CD300LG: variants seen among roughly 807,000 people sequenced by gnomAD.
CD300LG encodes the protein CMRF35-like molecule 9.
In CD300LG, 29 loss-of-function variants were observed where a neutral mutation model predicts 31.5. The observed-to-expected ratio is 0.92, with a 90% CI of 0.68 to 1.25. The LOEUF (loss-of-function observed/expected upper bound fraction) is 1.25. Ranked by LOEUF, CD300LG falls within the 50% of genes most tolerant of loss-of-function variation. The pLI, the probability that CD300LG is intolerant of heterozygous loss-of-function variation, is 0.00. For synonymous variants in CD300LG, 175 were observed against 177.2 expected, an observed-to-expected ratio of 0.99 and a Z score of 0.10; for missense variants, 396 against 417.6, an observed-to-expected ratio of 0.95 and a Z score of 0.45.
intron 4 of CD300LG, 45 bp from the exon 5 acceptor site, chr17:43,855,162 G>T (rs1351438500): frequency 1.4e-6 from 2 of 1,386,626 alleles, no homozygotes; most frequent in South Asian, 1.3e-5. Flanking sequence ...ATAGACTCTG[G>T]CTTATCTGGT....
At chr17:43,860,458 G>A (rs1218546373) in intron 6 of CD300LG, among the ~76,000 whole-genome samples, 1 of 152,266 alleles carries the variant, frequency 6.6e-6, no homozygotes, top group African/African-American at 2.4e-5. Flanking sequence ...GGCCTTGGGA[G>A]TCTTGGCTGG....
At position 43,848,731 on chromosome 17, in the gene CD300LG, G is replaced by A. The variant is rs765766049; in HGVS notation, c.217G>A (p.Glu73Lys). Residue 73 changes from glutamate (E) to lysine (K), a missense_variant, in exon 2 of 7, where the codon GAG becomes AAG. By Grantham distance (56) the Glu-to-Lys change is moderately conservative. Transcript: ENST00000317310. ...GTIYAEEEGQ[E>K]TMKGRVSIRD... is the part of the protein sequence containing the mutation. ...CATCTATGCAGAAGAAGAAGGCCAG[G>A]AGACAATGAAGGGCAGGGTGTCCAT... 8.7e-6 allele frequency: 14 copies of A among 1,614,044 alleles called. No homozygotes were observed.
intron 6 of CD300LG, chr17:43,857,782 CT>C: frequency 1.3e-6 from 2 of 1,537,288 alleles, no homozygotes; most frequent in Non-Finnish European, 1.7e-6. Flanking sequence ...CTGCTCTTCT[CT>C]TTCCAGAACT....
At chr17:43,849,149 G>A (rs2143290666) in intron 2 of CD300LG, 2 of 558,314 alleles carry the variant, frequency 3.6e-6, no homozygotes, top group East Asian at 5.7e-5. Flanking sequence ...CCAGGGCTGG[G>A]CTCGGCGCCT....
chr17:43,857,040 C>T, intron 5 of CD300LG, 64 bp from the exon 6 acceptor site: 1 of 1,530,396 alleles, frequency 6.5e-7, no homozygotes, highest in Non-Finnish European at 9.0e-7. Context: ...TTTCTGGGAG[C>T]AGCTACAGGC....
rs769974140 is a variant in CD300LG, at chr17:43,853,831, C to T, written c.506C>T (p.Ala169Val). 8 of 1,613,858 alleles carry T rather than the reference C, an allele frequency of 5.0e-6. No homozygotes were observed. In the African/African-American group the frequency reaches 8.0e-5, roughly 16 times the overall value. The part of the protein sequence containing the change: ...GLTSPGLYPA[A>V]TTAKQGKTGA... ...GCTTCTCCTGGGCTCTACCCGGCAG[C>T]CACCACAGCCAAGCAGGGGAAGACA... is the stretch of plus-strand genomic sequence containing the variant. Residue 169 changes from alanine to valine, a missense_variant, in exon 4 of 7, where the codon GCC becomes GTC. Physicochemically the swap from Ala to Val is moderately conservative, Grantham distance 64. Transcript: ENST00000317310.
chr17:43,857,419 T>C (rs1597713370), intron 6 of CD300LG: 1 of 1,537,098 alleles, frequency 6.5e-7, no homozygotes, highest in Non-Finnish European at 8.7e-7. Flanking sequence ...CCAGGAGCCA[T>C]GTGAGCATCT....
In CD300LG at chr17:43,852,538, G is replaced by A. The variant is rs73985459; in HGVS notation, c.380-374G>A. 4.2e-3 allele frequency among the ~76,000 whole-genome samples: 642 copies of A among 152,304 alleles called. 2 individuals are homozygous for A. The highest frequency in any genetic ancestry group is 0.014 in the African/African-American group (584 of 41,554). On this transcript the variant is annotated intron_variant, in intron 2 of 6. Transcript: ENST00000317310. ...CTGAAGCCTGAGTTTAAGAGGCCTCGAAAGGCATACTAAAAAGTTTGAACT... is the reference window on the plus strand; with the variant it reads ...CTGAAGCCTGAGTTTAAGAGGCCTCAAAAGGCATACTAAAAAGTTTGAACT...
At chr17:43,847,435 G>T (rs1289158053) in intron 1 of CD300LG, among the ~76,000 whole-genome samples, 176 bp downstream of exon 1, 1 of 152,184 alleles carries the variant, frequency 6.6e-6, no homozygotes, top group Non-Finnish European at 1.5e-5. Context: ...GGCCGCACTT[G>T]CTGTTTCTGG....
chr17:43,848,187 AG>A (rs2046239319), intron 1 of CD300LG, among the ~76,000 whole-genome samples: 1 of 152,024 alleles, frequency 6.6e-6, no homozygotes, highest in Admixed American at 6.5e-5. Flanking sequence ...AGTTTCAGTG[AG>A]CAGACATCGG....
intron 6 of CD300LG, chr17:43,857,646 G>A (rs970910766): frequency 3.7e-5 from 43 of 1,155,472 alleles, no homozygotes; most frequent in Non-Finnish European, 4.6e-5. Context: ...GACTCTGGCA[G>A]TGCTACAAAC....
At chr17:43,856,150 A>G (rs1473936227) in intron 5 of CD300LG, among the ~76,000 whole-genome samples, 1 of 152,108 alleles carries the variant, frequency 6.6e-6, no homozygotes, top group East Asian at 1.9e-4. Flanking sequence ...AACCCAATAT[A>G]TCCCAAACAT....
chr17:43,863,215 CA>C lies in CD300LG; in HGVS notation c.*1305del, dbSNP rs2046680848. ...TGTACTTTTAGTAGAGATGGGGTTTCACCATGTTGGCCAGGCTGGTCTTGAA... is the reference window on the plus strand; with the variant it reads ...TGTACTTTTAGTAGAGATGGGGTTTCCCATGTTGGCCAGGCTGGTCTTGAA... On this transcript the variant is annotated 3_prime_UTR_variant, in exon 7 of 7. Coordinates refer to ENST00000317310, the MANE Select transcript of CD300LG (RefSeq NM_145273.4). The C allele has an allele frequency of 6.6e-6, 1 of 152,124 alleles. No individual in the cohort carries two copies. 9.4% of individuals were successfully genotyped at this position (152,124 alleles called of 1,614,324 possible).
At chr17:43,850,790 T>C (rs2143308005) in intron 2 of CD300LG, among the ~76,000 whole-genome samples, 1 of 152,280 alleles carries the variant, frequency 6.6e-6, no homozygotes, top group Middle Eastern at 3.4e-3. Flanking sequence ...CCTACTATCA[T>C]TTTCTTTTAT....
At chr17:43,851,133 CAAAAAAAAA>C (rs777282117) in intron 2 of CD300LG, among the ~76,000 whole-genome samples, 6 of 40,616 alleles carry the variant, frequency 1.5e-4, no homozygotes, top group South Asian at 8.9e-4. Flanking sequence ...GACTCAGTCT[CAAAAAAAAA>C]AAAAAAAAAA....
intron 4 of CD300LG, among the ~76,000 whole-genome samples, chr17:43,854,950 T>C (rs2046470139): frequency 6.6e-6 from 1 of 152,010 alleles, no homozygotes; most frequent in South Asian, 2.1e-4. Context: ...TTATCCAAGG[T>C]ATAGAAAGGT....
At chr17:43,855,138 G>A (rs1000379453) in intron 4 of CD300LG, 69 bp from the exon 5 acceptor site, 17 of 1,007,430 alleles carry the variant, frequency 1.7e-5, no homozygotes, top group Non-Finnish European at 2.2e-5. Flanking sequence ...CTGTGCCTGG[G>A]ACCCCCAAAG....
At position 43,848,710 on chromosome 17, in the gene CD300LG, T is replaced by TCG; in HGVS notation, c.196_197insCG (p.Tyr66SerfsTer11). 1 of 1,614,058 alleles carries TCG rather than the reference T, an allele frequency of 6.2e-7. No homozygotes were observed. Among genetic ancestry groups the TCG allele is most frequent in the South Asian group, 1.1e-5 (1 of 91,078 alleles). On this transcript the variant is annotated frameshift_variant, in exon 2 of 7. Coordinates refer to ENST00000317310, the MANE Select transcript of CD300LG (RefSeq NM_145273.4). LOFTEE classifies it high-confidence loss of function. Reference sequence around the variant, plus strand: ...CTTCTCTCGCTGCTCTGGCACCATCTATGCAGAAGAAGAAGGCCAGGAGAC... The same window carrying TCG: ...CTTCTCTCGCTGCTCTGGCACCATCTCGATGCAGAAGAAGAAGGCCAGGAGAC...
rs2046206100 is a variant in CD300LG, at chr17:43,847,199, C to T, written c.-18C>T. The T allele has an allele frequency of 1.2e-6, 2 of 1,613,300 alleles. No individual in the cohort carries two copies. The highest frequency in any genetic ancestry group is 1.7e-6 in the Non-Finnish European group (2 of 1,179,656). On this transcript the variant is annotated 5_prime_UTR_variant, in exon 1 of 7. In the 5' UTR this introduces an upstream ATG that the reference lacks. Transcript: ENST00000317310. ...TCACAGTTCCCAGCGTCTGCTCCCA[C>T]GGTGTCCAGCGCCCAGAATGCGGCT...
Sources: allele counts gnomAD v4.1 joint callset (sites outside exome capture counted in the v4.1 genomes callset), GRCh38; gene constraint gnomAD v4.1.1; transcripts MANE v1.5; gene names NCBI Gene and HGNC (gene_info 2026-07-23, HGNC 2026-07-21).